The following CELSR3 variants were observed in gnomAD, a reference collection of about 807,000 sequenced individuals.
CELSR3 encodes EGF-like protein 1.
In CELSR3, 73 loss-of-function variants were observed where a neutral mutation model predicts 270.0. That is an observed-to-expected ratio of 0.27 (90% CI 0.22 to 0.33). The LOEUF is 0.33. CELSR3 is among the 10% of genes least tolerant of loss of function. The pLI is 1.00. For missense variants in CELSR3, 3,614 were observed against 4,533.8 expected (o/e 0.80, Z 5.83); for synonymous variants, 1,780 against 1,905.4 (o/e 0.93, Z 1.71).
chr3:48,650,679 C>T lies in CELSR3; in HGVS notation c.6371-98G>A. ...CACCACCCCCCACAAGGCCCACTGC[C>T]CGCCACTCCTGCTGGCTTCTCAGGA... is the stretch of plus-strand genomic sequence containing the variant. On this transcript the variant is annotated intron_variant, in intron 15 of 34. Transcript: ENST00000164024. This position sits in a 1 kb window ranked among gnomAD's most constrained non-coding sequence, Gnocchi z 5.1. The T allele has an allele frequency of 3.6e-6, 4 of 1,114,236 alleles. No individual in the cohort carries two copies. The highest frequency in any genetic ancestry group is 5.1e-6 in the Non-Finnish European group (4 of 780,258). 69.0% of individuals were successfully genotyped at this position (1,114,236 alleles called of 1,614,324 possible). A position where few individuals can be genotyped will look rare whatever the true frequency, so the allele number is the denominator to read the frequency against.
chr3:48,642,137 G>C lies in CELSR3; in HGVS notation c.8666-128C>G. On this transcript the variant is annotated intron_variant, in intron 31 of 34. Coordinates refer to ENST00000164024, the MANE Select transcript of CELSR3 (RefSeq NM_001407.3). This position sits in a 1 kb window ranked among gnomAD's most constrained non-coding sequence, Gnocchi z 6.1. ...TTGGGGACAGGAACCGGGGCTTGAA[G>C]TGGAGGTAGCAGCAGAAGGGCTGGG... 1.0e-6 allele frequency: 1 copy of C among 959,032 alleles called. No individual in the cohort carries two copies. The allele number at this position is 959,032 out of a possible 1,614,324, so 59.4% of individuals were successfully genotyped here. A position where few individuals can be genotyped will look rare whatever the true frequency, so the allele number is the denominator to read the frequency against.
Position 48,657,244 on chromosome 3 carries a change from C to G in CELSR3, c.3853G>C (p.Glu1285Gln), listed in dbSNP as rs750027356. 6 of 1,613,332 alleles carry G rather than the reference C, an allele frequency of 3.7e-6. No homozygotes were observed. Among genetic ancestry groups the G allele is most frequent in the Non-Finnish European group, 4.2e-6 (5 of 1,179,766 alleles). ...CCCAGCAGCGGTGACAGGAAGCGCT[C>G]CTGCCACATGTTCTCAAGGCGCACG... is the stretch of plus-strand genomic sequence containing the variant. Reference protein sequence around the residue: ...LTVRLENMWQERFLSPLLGRF... With the variant: ...LTVRLENMWQQRFLSPLLGRF... The change falls in exon 2 of 35, where the codon GAG becomes CAG. Residue 1285 changes from glutamate to glutamine, a missense_variant. Physicochemically the swap from Glu to Gln is conservative, Grantham distance 29. Coordinates refer to ENST00000164024, the MANE Select transcript of CELSR3 (RefSeq NM_001407.3). The surrounding 1 kb of genome is among the most constrained non-coding windows in gnomAD (Gnocchi z 5.4).
chr3:48,639,261 C>G lies in CELSR3; in HGVS notation c.9911+413G>C, dbSNP rs901816483. On this transcript the variant is annotated intron_variant, in intron 34 of 34. Transcript: ENST00000164024. The surrounding 1 kb of genome is among the most constrained non-coding windows in gnomAD (Gnocchi z 4.1). The stretch of plus-strand genomic sequence containing the variant: ...AGCCTGGTATATCCTGGCACCACTT[C>G]CAGCCTCTCCTTGTCCTATATGACC... Among the ~76,000 whole-genome samples the G allele has an allele frequency of 5.3e-5, 8 of 152,342 alleles. No homozygotes were observed. In the South Asian group the frequency reaches 1.7e-3, roughly 32 times the overall value.
intron 34 of CELSR3, 126 bp from the exon 35 acceptor site, chr3:48,638,358 C>G: frequency 1.4e-6 from 1 of 723,930 alleles, no homozygotes; most frequent in South Asian, 1.5e-5. Flanking sequence ...GCCTCTTAGC[C>G]CCCAGCCCCT....
In CELSR3 at chr3:48,659,256, G is replaced by A; in HGVS notation, c.3379C>T (p.Leu1127Phe). 6.2e-7 allele frequency: 1 copy of A among 1,614,188 alleles called. No homozygotes were observed. Among genetic ancestry groups the A allele is most frequent in the East Asian group, 2.2e-5 (1 of 44,894 alleles). ...MDIFSGELTA[L>F]IDLDYEARQE... ...CGAGCCTCATAGTCTAGGTCAATGA[G>A]TGCCGTCAGTTCTCCAGAGAAGATG... The change falls in exon 1 of 35, where the codon CTC becomes TTC. Residue 1127 changes from leucine (L) to phenylalanine (F), a missense_variant. Leu to Phe is a conservative substitution (Grantham distance 22, BLOSUM62 0). This residue lies in a region of CELSR3 where 1,331 missense variants were observed against 1,933.7 expected (regional missense o/e 0.69). Coordinates refer to ENST00000164024, the MANE Select transcript of CELSR3 (RefSeq NM_001407.3). The surrounding 1 kb of genome is among the most constrained non-coding windows in gnomAD (Gnocchi z 8.1).
chr3:48,651,233 C>T lies in CELSR3; in HGVS notation c.6186+126G>A. On this transcript the variant is annotated intron_variant, in intron 14 of 34. Coordinates refer to ENST00000164024, the MANE Select transcript of CELSR3 (RefSeq NM_001407.3). The surrounding 1 kb of genome is among the most constrained non-coding windows in gnomAD (Gnocchi z 7.4). ...GGGGTCACGGGTAAAGGATGAGAGA[C>T]AGCAACTTGGTCACAGGACACAGGC... 2 of 1,509,142 alleles carry T rather than the reference C, an allele frequency of 1.3e-6. No individual in the cohort carries two copies. Among genetic ancestry groups the T allele is most frequent in the Non-Finnish European group, 1.8e-6 (2 of 1,104,258 alleles). 93.5% of individuals were successfully genotyped at this position (1,509,142 alleles called of 1,614,324 possible).
chr3:48,653,076 C>G lies in CELSR3; in HGVS notation c.5560G>C (p.Glu1854Gln). 1 of 1,613,320 alleles carries G rather than the reference C, an allele frequency of 6.2e-7. No individual in the cohort carries two copies. The highest frequency in any genetic ancestry group is 8.5e-7 in the Non-Finnish European group (1 of 1,180,014). ...SDGRWHDLRL[E>Q]LQEEPGGRRG... ...CGGCCACCTGGTTCCTCCTGCAACT[C>G]CAGCCGCAGATCGTGCCACCGGCCA... The change falls in exon 10 of 35, where the codon GAG becomes CAG. Residue 1854 changes from glutamate (E) to glutamine (Q), a missense_variant. Glu to Gln is a conservative substitution (Grantham distance 29, BLOSUM62 2). Around this residue, in one of 7 missense-constraint regions of CELSR3, gnomAD observed 1,331 missense variants for 1,933.7 expected, o/e 0.69. Transcript: ENST00000164024. This position sits in a 1 kb window ranked among gnomAD's most constrained non-coding sequence, Gnocchi z 6.5.
At position 48,650,755 on chromosome 3, in the gene CELSR3, T is replaced by A; in HGVS notation, c.6370+137A>T. The A allele has an allele frequency of 1.8e-6, 2 of 1,101,898 alleles. No individual in the cohort carries two copies. The highest frequency in any genetic ancestry group is 2.6e-6 in the Non-Finnish European group (2 of 776,992). The allele number at this position is 1,101,898 out of a possible 1,614,324, so 68.3% of individuals were successfully genotyped here. On this transcript the variant is annotated intron_variant, in intron 15 of 34. Coordinates refer to ENST00000164024, the MANE Select transcript of CELSR3 (RefSeq NM_001407.3). The surrounding 1 kb of genome is among the most constrained non-coding windows in gnomAD (Gnocchi z 5.1). ...GTCAGCAAAGTACTTGGGGCAAAGGTAGGGTTCCCTGGGTGTAAGTGGTCT... is the reference window on the plus strand; with the variant it reads ...GTCAGCAAAGTACTTGGGGCAAAGGAAGGGTTCCCTGGGTGTAAGTGGTCT...
In CELSR3 at chr3:48,661,446, C is replaced by G; in HGVS notation, c.1189G>C (p.Glu397Gln). 7 of 1,610,634 alleles carry G rather than the reference C, an allele frequency of 4.3e-6. No individual in the cohort carries two copies. The highest frequency in any genetic ancestry group is 2.2e-5 in the East Asian group (1 of 44,824). The part of the protein sequence containing the change: ...TAAALDRESM[E>Q]RHYLRVTAQD... The stretch of plus-strand genomic sequence containing the variant: ...GCGGTCACACGCAGGTAGTGACGCT[C>G]CATGCTCTCGCGGTCCAGAGCTGCC... Residue 397 changes from glutamate to glutamine, a missense_variant, in exon 1 of 35, where the codon GAG becomes CAG. Coordinates refer to ENST00000164024, the MANE Select transcript of CELSR3 (RefSeq NM_001407.3).
At position 48,654,234 on chromosome 3, in the gene CELSR3, CT is replaced by C; in HGVS notation, c.5152+54del. ...AGTCAGGTATGGAGTCCTCCACTTC[CT>C]CCCTATGATGGGGACAGGGCCATGG... On this transcript the variant is annotated intron_variant, in intron 7 of 34. Transcript: ENST00000164024. This position sits in a 1 kb window ranked among gnomAD's most constrained non-coding sequence, Gnocchi z 5.4. The C allele has an allele frequency of 1.2e-6, 2 of 1,604,742 alleles. No homozygotes were observed. Among genetic ancestry groups the C allele is most frequent in the Non-Finnish European group, 1.7e-6 (2 of 1,173,950 alleles).
At position 48,653,223 on chromosome 3, in the gene CELSR3, C is replaced by G; in HGVS notation, c.5449-36G>C. The G allele has an allele frequency of 6.3e-7, 1 of 1,595,160 alleles. No homozygotes were observed. The highest frequency in any genetic ancestry group is 8.6e-7 in the Non-Finnish European group (1 of 1,166,648). ...AGATGCATAGCCCTGGGGTTAGAGC[C>G]CCATGTGGGCTGGGACTTGGAGGTG... On this transcript the variant is annotated intron_variant, in intron 9 of 34. Transcript: ENST00000164024. This position sits in a 1 kb window ranked among gnomAD's most constrained non-coding sequence, Gnocchi z 6.5.
At position 48,656,099 on chromosome 3, in the gene CELSR3, G is replaced by T. The variant is rs112641953; in HGVS notation, c.4625+41C>A. The T allele has an allele frequency of 3.1e-5, 47 of 1,516,728 alleles. No homozygotes were observed. The African/African-American group carries it at 3.3e-4, about 11-fold the overall frequency. 94.0% of individuals were successfully genotyped at this position (1,516,728 alleles called of 1,614,324 possible). A position where few individuals can be genotyped will look rare whatever the true frequency, so the allele number is the denominator to read the frequency against. ...GAATCTGAGTCAGGGCGGGTAGGTG[G>T]GGGCGGCGGGGAGGCGCTCAGACAC... On this transcript the variant is annotated intron_variant, in intron 3 of 34. Transcript: ENST00000164024.
chr3:48,656,725 T>C lies in CELSR3; in HGVS notation c.4372A>G (p.Thr1458Ala). 3 of 1,514,592 alleles carry C rather than the reference T, an allele frequency of 2.0e-6. No individual in the cohort carries two copies. The highest frequency in any genetic ancestry group is 2.6e-6 in the Non-Finnish European group (3 of 1,135,508). The allele number at this position is 1,514,592 out of a possible 1,614,324, so 93.8% of individuals were successfully genotyped here. A position where few individuals can be genotyped will look rare whatever the true frequency, so the allele number is the denominator to read the frequency against. The change falls in exon 2 of 35, where the codon ACG becomes GCG. Residue 1458 changes from threonine (T) to alanine (A), a missense_variant. Physicochemically the swap from Thr to Ala is moderately conservative, Grantham distance 58. Coordinates refer to ENST00000164024, the MANE Select transcript of CELSR3 (RefSeq NM_001407.3). The part of the protein sequence containing the change: ...GACARREGGY[T>A]CVCRPRFTGE... ...GTGAAGCGCGGGCGGCAGACGCACG[T>C]GTAGCCTCCCTCGCGCCGCGCGCAG... is the stretch of plus-strand genomic sequence containing the variant.
chr3:48,659,088 G>C lies in CELSR3; in HGVS notation c.3547C>G (p.Arg1183Gly). The C allele has an allele frequency of 6.2e-7, 1 of 1,614,202 alleles. No homozygotes were observed. Among genetic ancestry groups the C allele is most frequent in the Non-Finnish European group, 8.5e-7 (1 of 1,180,042 alleles). Residue 1183 changes from arginine to glycine, a missense_variant, in exon 1 of 35, where the codon CGT becomes GGT. By Grantham distance (125) the Arg-to-Gly change is moderately radical (BLOSUM62 -2). This residue lies in a region of CELSR3 where 1,331 missense variants were observed against 1,933.7 expected (regional missense o/e 0.69). Transcript: ENST00000164024. This position sits in a 1 kb window ranked among gnomAD's most constrained non-coding sequence, Gnocchi z 8.1. ...QILFNNYVSNRSDTFPSGIIG... is the reference protein window; with the variant it reads ...QILFNNYVSNGSDTFPSGIIG... ...ATGCCCGACGGGAAGGTGTCTGAAC[G>C]GTTGGATACATAGTTGTTGAAGAGG...
rs752346204 is a variant in CELSR3, at chr3:48,644,328, A to G, written c.8086-33T>C. 1 of 1,588,316 alleles carries G rather than the reference A, an allele frequency of 6.3e-7. No homozygotes were observed. Among genetic ancestry groups the G allele is most frequent in the Non-Finnish European group, 8.6e-7 (1 of 1,157,568 alleles). On this transcript the variant is annotated intron_variant, in intron 26 of 34. Transcript: ENST00000164024. The surrounding 1 kb of genome is among the most constrained non-coding windows in gnomAD (Gnocchi z 4.8). ...CACGGCCAGACATGTGGGGCCGGGC[A>G]GGGCAGAGAGAGAGAGAGAGAGAGA...
rs929254428 is a variant in CELSR3, at chr3:48,640,305, G to A, written c.9280C>T (p.Arg3094Cys). 8.7e-6 allele frequency: 14 copies of A among 1,612,736 alleles called. No homozygotes were observed. The highest frequency in any genetic ancestry group is 2.2e-5 in the East Asian group (1 of 44,902). Residue 3094 changes from arginine (R) to cysteine (C), a missense_variant, in exon 34 of 35, where the codon CGT (arginine) becomes TGT (cysteine). By Grantham distance (180) the Arg-to-Cys change is radical. Transcript: ENST00000164024. The surrounding 1 kb of genome is among the most constrained non-coding windows in gnomAD (Gnocchi z 7.5). ...TGGGACCCTGGCCGGCTCAGGGGAC[G>A]TAGAACAGGGGCAGGGGCTTCCTCT... ...RLEEAPAPVL[R>C]PLSRPGSQEC...
intron 28 of CELSR3, 83 bp from the exon 29 acceptor site, chr3:48,643,166 C>A: frequency 1.1e-6 from 1 of 921,486 alleles, no homozygotes. Flanking sequence ...GCAATGGGGT[C>A]AGTCACTGTA....
Position 48,651,007 on chromosome 3 carries a change from G to A in CELSR3, c.6255C>T (p.Thr2085=), listed in dbSNP as rs1439279816. Reference sequence around the variant, plus strand: ...CGCTGTGGGGTGCACATGAGCGCGAGGTGGAGCCCACAGGGTAGCAGTCAC... The same window carrying A: ...CGCTGTGGGGTGCACATGAGCGCGAAGTGGAGCCCACAGGGTAGCAGTCAC... ...LPCDCYPVGS[T]SRSCAPHSGQ... is the part of the protein sequence containing the mutation. The change falls in exon 15 of 35, where the codon ACC becomes ACT. Residue 2085 remains threonine, a synonymous_variant. Transcript: ENST00000164024. The surrounding 1 kb of genome is among the most constrained non-coding windows in gnomAD (Gnocchi z 7.4). The A allele has an allele frequency of 6.2e-7, 1 of 1,607,064 alleles. No individual in the cohort carries two copies.
At position 48,641,928 on chromosome 3, in the gene CELSR3, T is replaced by C. The variant is rs2047030754; in HGVS notation, c.8747A>G (p.Asn2916Ser). The change falls in exon 32 of 35, where the codon AAT (asparagine) becomes AGT (serine). Residue 2916 changes from asparagine (N) to serine (S), a missense_variant. Physicochemically the swap from Asn to Ser is conservative, Grantham distance 46 (BLOSUM62 1). Coordinates refer to ENST00000164024, the MANE Select transcript of CELSR3 (RefSeq NM_001407.3). This position sits in a 1 kb window ranked among gnomAD's most constrained non-coding sequence, Gnocchi z 4.8. ...LSIPSSESED[N>S]GRTRGRFQRP... ...TTGGAAGCGCCCCCGCGTCCGGCCATTGTCCTCGCTTTCTGAAGATGGAAT... is the reference window on the plus strand; with the variant it reads ...TTGGAAGCGCCCCCGCGTCCGGCCACTGTCCTCGCTTTCTGAAGATGGAAT... 1.2e-6 allele frequency: 2 copies of C among 1,601,948 alleles called. No homozygotes were observed. Among genetic ancestry groups the C allele is most frequent in the Non-Finnish European group, 1.7e-6 (2 of 1,175,450 alleles).
Sources: gnomAD v4.1 joint callset for allele counts (sites outside exome capture counted in the v4.1 genomes callset) on GRCh38, gnomAD v4.1.1 for gene constraint, gnomAD v4.1.1 regional missense constraint, Gnocchi (gnomAD v3.1) non-coding constraint, MANE v1.5 for transcripts, NCBI Gene and HGNC (gene_info 2026-07-23, HGNC 2026-07-21) for gene names.